CFAP54: variants seen among roughly 807,000 people sequenced by gnomAD.
The protein encoded by CFAP54 is cilia and flagella associated protein 54, also known as cilia- and flagella-associated protein 54.
Under a neutral mutation model 370.4 loss-of-function variants are expected in CFAP54, and 290 were observed. The observed-to-expected ratio is 0.78, with a 90% CI of 0.71 to 0.86. The LOEUF (loss-of-function observed/expected upper bound fraction) is 0.86. Among genes scored for constraint, CFAP54 ranks in the 40% least tolerant of loss-of-function variants. CFAP54 has a pLI of 0.00. For synonymous variants in CFAP54, 1,206 were observed against 1,236.5 expected, an observed-to-expected ratio of 0.98 and a Z score of 0.52; for missense variants, 3,399 against 3,528.7, an observed-to-expected ratio of 0.96 and a Z score of 0.93.
chr12:96,521,703 A>C (rs1169590222), intron 6 of CFAP54, among the ~76,000 whole-genome samples, 154 bp from the exon 7 acceptor site: 1 of 152,246 alleles, frequency 6.6e-6, no homozygotes, highest in African/African-American at 2.4e-5. Context: ...AGTGGTTCTT[A>C]AATAAAATGA....
chr12:96,493,721 C>G (rs531623620), intron 1 of CFAP54, among the ~76,000 whole-genome samples: 1 of 152,174 alleles, frequency 6.6e-6, no homozygotes, highest in Non-Finnish European at 1.5e-5. Flanking sequence ...TCACTTGAAC[C>G]TGGGAAGTGG....
chr12:96,642,059 C>T (rs1641705), intron 32 of CFAP54, among the ~76,000 whole-genome samples: 36,997 of 151,230 alleles, frequency 0.24, 5,414 homozygotes, highest in East Asian at 0.5. Context: ...GCACATTTAC[C>T]CTAAAACTTA....
At chr12:96,825,543 T>C (rs1381546776) in intron 65 of CFAP54, among the ~76,000 whole-genome samples, 2 of 117,358 alleles carry the variant, frequency 1.7e-5, no homozygotes, top group African/African-American at 7.0e-5. Context: ...TTACTATATA[T>C]TATATATATT....
At chr12:96,668,444 A>C (rs945862397) in intron 39 of CFAP54, among the ~76,000 whole-genome samples, 6 of 152,208 alleles carry the variant, frequency 3.9e-5, no homozygotes, top group Non-Finnish European at 8.8e-5. Context: ...GCAAAGGCAC[A>C]TCTTATATGG....
chr12:96,664,973 G>A (rs1195347222), intron 39 of CFAP54, among the ~76,000 whole-genome samples: 1 of 151,596 alleles, frequency 6.6e-6, no homozygotes, highest in Non-Finnish European at 1.5e-5. Context: ...AACCTTGCCA[G>A]CATCTGTTGT....
chr12:96,515,288 G>T (rs1360194743), intron 5 of CFAP54, among the ~76,000 whole-genome samples: 1 of 152,018 alleles, frequency 6.6e-6, no homozygotes, highest in Non-Finnish European at 1.5e-5. Context: ...GGGATTACAG[G>T]CGTGAGCCAC....
In CFAP54 at chr12:96,576,706, C is replaced by T; in HGVS notation, c.2741C>T (p.Ser914Phe). Residue 914 changes from serine (S) to phenylalanine (F), a missense_variant, in exon 20 of 68, where the codon TCT becomes TTT. Physicochemically the swap from Ser to Phe is radical, Grantham distance 155. Around this residue, in one of 3 missense-constraint regions of CFAP54, gnomAD observed 2,796 missense variants for 2,869.7 expected, o/e 0.97. Coordinates refer to ENST00000524981, the MANE Select transcript of CFAP54 (RefSeq NM_001306084.2). Reference sequence around the variant, plus strand: ...GTCCCCCCTCCACCTATCCTGCTGTCTCGAACTCATTGTTCTGTGACACTC... The same window carrying T: ...GTCCCCCCTCCACCTATCCTGCTGTTTCGAACTCATTGTTCTGTGACACTC... ...SRVPPPPILLSRTHCSVTLKP... is the reference protein window; with the variant it reads ...SRVPPPPILLFRTHCSVTLKP... The T allele has an allele frequency of 1.1e-5, 17 of 1,535,926 alleles. No homozygotes were observed. Among genetic ancestry groups the T allele is most frequent in the Non-Finnish European group, 1.5e-5 (17 of 1,146,712 alleles).
intron 62 of CFAP54, among the ~76,000 whole-genome samples, chr12:96,791,763 C>T (rs1285011289): frequency 2.6e-5 from 4 of 151,756 alleles, no homozygotes; most frequent in Non-Finnish European, 5.9e-5. Context: ...TTGGCATGGG[C>T]GTTTTCCCTG....
At chr12:96,786,586 C>T (rs1233141591) in intron 61 of CFAP54, 89 bp from the exon 62 acceptor site, 16 of 938,484 alleles carry the variant, frequency 1.7e-5, no homozygotes, top group South Asian at 1.2e-4. Flanking sequence ...GAATATGTAA[C>T]GATAGTGGTT....
rs529154961 is a variant in CFAP54, at chr12:96,615,643, A to G, written c.3640-5947A>G. ...CAAAGGGCTAATATCCGGAATCTAC[A>G]AAGAACTCAAACAAATTTACAAGAA... On this transcript the variant is annotated intron_variant, in intron 26 of 67. Transcript: ENST00000524981. 2.0e-3 allele frequency among the ~76,000 whole-genome samples: 309 copies of G among 152,374 alleles called. 1 individual carries two copies. The highest frequency in any genetic ancestry group is 7.3e-3 in the African/African-American group (304 of 41,582).
chr12:96,561,477 A>G (rs1955815669), intron 17 of CFAP54, among the ~76,000 whole-genome samples: 2 of 152,244 alleles, frequency 1.3e-5, no homozygotes, highest in Admixed American at 6.5e-5. Context: ...AAAACAGACT[A>G]ATACAGCCCC....
At chr12:96,691,097 C>G (rs764784122) in intron 43 of CFAP54, 31 bp from the exon 44 acceptor site, 2 of 1,591,926 alleles carry the variant, frequency 1.3e-6, no homozygotes, top group Non-Finnish European at 1.7e-6. Context: ...CTATCTATAG[C>G]TCTTTATATT....
intron 24 of CFAP54, 138 bp from the exon 25 acceptor site, chr12:96,594,153 C>G: frequency 1.0e-4 from 57 of 549,074 alleles, no homozygotes; most frequent in Middle Eastern, 4.1e-4. Context: ...AGAGTTGTTT[C>G]TGAATTTAGA....
chr12:96,500,552 T>C (rs1955014772), intron 1 of CFAP54, among the ~76,000 whole-genome samples: 1 of 152,116 alleles, frequency 6.6e-6, no homozygotes, highest in Non-Finnish European at 1.5e-5. Context: ...ACAGGGTATA[T>C]ATGGGAAATC....
At position 96,685,301 on chromosome 12, in the gene CFAP54, G is replaced by A. The variant is rs374398336; in HGVS notation, c.6014+63G>A. The A allele has an allele frequency of 2.1e-5, 31 of 1,486,016 alleles. 1 individual carries two copies. The African/African-American group carries it at 3.9e-4, about 19-fold the overall frequency. The allele number at this position is 1,486,016 out of a possible 1,614,324, so 92.1% of individuals were successfully genotyped here. On this transcript the variant is annotated intron_variant, in intron 42 of 67. Coordinates refer to ENST00000524981, the MANE Select transcript of CFAP54 (RefSeq NM_001306084.2). ...CAGCTTCCTTGTGGGGTGCCCTCCT[G>A]TGCCATACAAAGTGCTATGCCTCAT...
chr12:96,783,540 C>T (rs1409847170), intron 60 of CFAP54, among the ~76,000 whole-genome samples: 1 of 152,156 alleles, frequency 6.6e-6, no homozygotes, highest in Admixed American at 6.5e-5. Context: ...TTTGTTAACT[C>T]ATTGTACATT....
Position 96,835,917 on chromosome 12 carries a change from G to A in CFAP54, c.9171+6829G>A, listed in dbSNP as rs893792723. ...TCTGGAGTGGCTGCTGCCATCATTA[G>A]GAGAGCAGCAGTCATAAAGGAAAAG... On this transcript the variant is annotated intron_variant, in intron 66 of 67. Transcript: ENST00000524981. Among the ~76,000 whole-genome samples, 4 of 152,266 alleles carry A rather than the reference G, an allele frequency of 2.6e-5. No homozygotes were observed. The East Asian group carries it at 5.8e-4, about 22-fold the overall frequency.
chr12:96,589,149 T>C (rs1008381247), intron 22 of CFAP54, among the ~76,000 whole-genome samples: 1 of 152,222 alleles, frequency 6.6e-6, no homozygotes, highest in African/African-American at 2.4e-5. Context: ...GATCTTTGTT[T>C]TGCTTATAAG....
chr12:96,635,059 A>G (rs1203091895), intron 32 of CFAP54, among the ~76,000 whole-genome samples: 1 of 151,866 alleles, frequency 6.6e-6, no homozygotes, highest in Non-Finnish European at 1.5e-5. Flanking sequence ...TGTTTTAGCT[A>G]CTCTAGGATC....
Sources: gnomAD v4.1 joint callset for allele counts (sites outside exome capture counted in the v4.1 genomes callset) on GRCh38, gnomAD v4.1.1 for gene constraint, gnomAD v4.1.1 regional missense constraint, MANE v1.5 for transcripts, NCBI Gene and HGNC (gene_info 2026-07-23, HGNC 2026-07-21) for gene names.